The following FSHR variants were observed in gnomAD, a reference collection of about 807,000 sequenced individuals.
FSHR encodes follicle stimulating hormone receptor.
A neutral mutation model predicts 52.1 loss-of-function variants in FSHR; 46 were observed. That is an observed-to-expected ratio of 0.88 (90% CI 0.70 to 1.13). FSHR has a LOEUF of 1.13. Among genes scored for constraint, FSHR ranks in the 50% most tolerant of loss-of-function variants. The probability of loss-of-function intolerance (pLI) is 0.00; values close to 1 mark genes in which losing one functional copy is unlikely to be tolerated. For missense variants in FSHR, 964 were observed against 834.6 expected (o/e 1.16, Z -1.91); for synonymous variants, 399 against 309.6 (o/e 1.29, Z -3.03).
At chr2:49,135,237 T>A (rs1328798291) in intron 1 of FSHR, among the ~76,000 whole-genome samples, 3 of 152,044 alleles carry the variant, frequency 2.0e-5, no homozygotes, top group African/African-American at 7.2e-5. Context: ...AACTTCAATA[T>A]TTTTGATTGA....
In FSHR at chr2:49,154,251, C is replaced by T. The variant is rs1348401697; in HGVS notation, c.152+15G>A. On this transcript the variant is annotated intron_variant, in intron 1 of 9. Coordinates refer to ENST00000406846, the MANE Select transcript of FSHR (RefSeq NM_000145.4). Reference sequence around the variant, plus strand: ...TGCCAGCCATGCAGTTGTTCCCCCTCCCTCTGATACTCACAGTTCAATGGC... The same window carrying T: ...TGCCAGCCATGCAGTTGTTCCCCCTTCCTCTGATACTCACAGTTCAATGGC... The T allele has an allele frequency of 3.7e-6, 6 of 1,613,058 alleles. No homozygotes were observed. Among genetic ancestry groups the T allele is most frequent in the Non-Finnish European group, 3.4e-6 (4 of 1,179,290 alleles).
intron 8 of FSHR, among the ~76,000 whole-genome samples, chr2:48,972,157 T>A (rs955679644): frequency 1.3e-5 from 2 of 152,200 alleles, no homozygotes; most frequent in African/African-American, 2.4e-5. Flanking sequence ...GAAAATCTGT[T>A]CCACCTTTCC....
At chr2:49,118,333 G>T (rs1671679392) in intron 1 of FSHR, among the ~76,000 whole-genome samples, 1 of 152,070 alleles carries the variant, frequency 6.6e-6, no homozygotes, top group African/African-American at 2.4e-5. Flanking sequence ...GGCCAAAGGG[G>T]AGAAAAGATG....
At chr2:49,011,393 A>G (rs1207635047) in intron 4 of FSHR, among the ~76,000 whole-genome samples, 1 of 151,982 alleles carries the variant, frequency 6.6e-6, no homozygotes, top group Non-Finnish European at 1.5e-5. Flanking sequence ...GGTCTGAGAG[A>G]TAGTTTGTTA....
chr2:49,033,706 A>G (rs1400024335), intron 2 of FSHR, among the ~76,000 whole-genome samples: 1 of 152,038 alleles, frequency 6.6e-6, no homozygotes, highest in Non-Finnish European at 1.5e-5. Flanking sequence ...CCTGTTCCCT[A>G]TACTAGTCTC....
intron 1 of FSHR, among the ~76,000 whole-genome samples, chr2:49,087,692 G>T (rs1670451336): frequency 6.6e-6 from 1 of 152,212 alleles, no homozygotes; most frequent in Non-Finnish European, 1.5e-5. Context: ...GCATAGTTGG[G>T]TGGTAGATGG....
chr2:49,074,476 G>A (rs901235352), intron 1 of FSHR, among the ~76,000 whole-genome samples: 14 of 152,152 alleles, frequency 9.2e-5, no homozygotes, highest in African/African-American at 2.4e-4. Flanking sequence ...ATATTGTCTC[G>A]CCAGTTAGGA....
At chr2:49,146,371 C>G (rs1672869753) in intron 1 of FSHR, among the ~76,000 whole-genome samples, 1 of 152,004 alleles carries the variant, frequency 6.6e-6, no homozygotes, top group African/African-American at 2.4e-5. Context: ...TTCTCAAGTC[C>G]TTATTCCAAG....
chr2:49,081,912 A>G (rs1670183681), intron 1 of FSHR, among the ~76,000 whole-genome samples: 1 of 152,216 alleles, frequency 6.6e-6, no homozygotes, highest in Non-Finnish European at 1.5e-5. Context: ...GAAGACAGCC[A>G]ATATTCTTTT....
intron 8 of FSHR, among the ~76,000 whole-genome samples, chr2:48,969,435 G>A (rs1331806503): frequency 2.6e-5 from 4 of 152,280 alleles, no homozygotes; most frequent in East Asian, 3.9e-4. Flanking sequence ...CGAACTTGGC[G>A]TCTACAGCAG....
intron 4 of FSHR, among the ~76,000 whole-genome samples, chr2:48,992,546 G>C (rs1158266069): frequency 6.6e-6 from 1 of 152,148 alleles, no homozygotes; most frequent in Non-Finnish European, 1.5e-5. Flanking sequence ...GCCTCTTTCA[G>C]CGATACGAAG....
chr2:48,998,290 T>C (rs764072499), intron 4 of FSHR, among the ~76,000 whole-genome samples: 65 of 151,870 alleles, frequency 4.3e-4, no homozygotes, highest in Middle Eastern at 3.2e-3. Flanking sequence ...GGCAACAGGA[T>C]TTGAAAAAAA....
chr2:49,001,416 A>G (rs1032215396), intron 4 of FSHR, among the ~76,000 whole-genome samples: 8 of 152,138 alleles, frequency 5.3e-5, no homozygotes, highest in African/African-American at 1.7e-4. Context: ...TGGCTGTATA[A>G]GAACTTTTAA....
intron 1 of FSHR, among the ~76,000 whole-genome samples, chr2:49,125,627 T>C (rs1671970008): frequency 6.6e-6 from 1 of 152,204 alleles, no homozygotes; most frequent in Admixed American, 6.5e-5. Context: ...AATTCACGAA[T>C]GAATTGATGA....
chr2:49,121,417 G>A (rs183748890), intron 1 of FSHR, among the ~76,000 whole-genome samples: 5 of 152,282 alleles, frequency 3.3e-5, no homozygotes, highest in Admixed American at 3.3e-4. Context: ...TAGCTATTAT[G>A]AATTAAAAGA....
chr2:49,124,046 A>G (rs1456417868), intron 1 of FSHR, among the ~76,000 whole-genome samples: 1 of 151,228 alleles, frequency 6.6e-6, no homozygotes, highest in Non-Finnish European at 1.5e-5. Flanking sequence ...GTGCAGTGGC[A>G]TGATCTCGGC....
intron 1 of FSHR, among the ~76,000 whole-genome samples, chr2:49,141,637 A>G (rs930593250): frequency 6.6e-6 from 1 of 152,094 alleles, no homozygotes; most frequent in Non-Finnish European, 1.5e-5. Flanking sequence ...CATCCAAACT[A>G]TGTCGCCAAC....
At chr2:49,020,184 T>G in intron 2 of FSHR, 24 bp from the exon 3 acceptor site, 1 of 1,576,736 alleles carries the variant, frequency 6.3e-7, no homozygotes. Context: ...AATATATAAG[T>G]CAAGCCAGTT....
intron 3 of FSHR, 48 bp from the exon 4 acceptor site, chr2:49,017,611 C>T: frequency 7.3e-7 from 1 of 1,376,788 alleles, no homozygotes; most frequent in Admixed American, 1.7e-5. Flanking sequence ...GTAAGGAATG[C>T]TGTAGTATTT....
Sources: allele counts gnomAD v4.1 joint callset (sites outside exome capture counted in the v4.1 genomes callset), GRCh38; gene constraint gnomAD v4.1.1; transcripts MANE v1.5; gene names NCBI Gene and HGNC (gene_info 2026-07-23, HGNC 2026-07-21).